The following OPRL1 variants were observed in gnomAD, a reference collection of about 807,000 sequenced individuals.
OPRL1 encodes nociceptin receptor.
In OPRL1, 5 loss-of-function variants were observed where a neutral mutation model predicts 15.5. The observed-to-expected ratio is 0.32, with a 90% CI of 0.17 to 0.68. The LOEUF is 0.68. OPRL1 is among the 30% of genes least tolerant of loss of function. The pLI, the probability that OPRL1 is intolerant of heterozygous loss-of-function variation, is 0.72. For missense variants in OPRL1, 406 were observed against 515.3 expected, an observed-to-expected ratio of 0.79 and a Z score of 2.05; for synonymous variants, 223 against 230.2, an observed-to-expected ratio of 0.97 and a Z score of 0.28.
rs1389674976 is a variant in OPRL1 at position 64,097,805 on chromosome 20, C to T, written c.237C>T (p.His79=). The T allele has an allele frequency of 6.2e-7, 1 of 1,611,142 alleles. No individual in the cohort carries two copies. The highest frequency in any genetic ancestry group is 8.5e-7 in the Non-Finnish European group (1 of 1,178,006). Reference sequence around the variant, plus strand: ...TTCTTCTCCCTCTACTCCGCAGGCACACCAAAATGAAGACAGCCACCAATA... The same window carrying T: ...TTCTTCTCCCTCTACTCCGCAGGCATACCAAAATGAAGACAGCCACCAATA... The part of the protein sequence containing the change: ...NCLVMYVILR[H]TKMKTATNIY... Residue 79 remains histidine, a synonymous_variant, in exon 4 of 5, where the codon CAC becomes CAT. Transcript: ENST00000336866. This position sits in a 1 kb window ranked among gnomAD's most constrained non-coding sequence, Gnocchi z 4.2.
Position 64,083,703 on chromosome 20 carries a change from G to T in OPRL1, c.-185+3351G>T. ...GCTGGATGAGCAGCGCGATCTCCTCGGCCTGCGGGGCCCGGGTAGCTGAGC... is the reference window on the plus strand; with the variant it reads ...GCTGGATGAGCAGCGCGATCTCCTCTGCCTGCGGGGCCCGGGTAGCTGAGC... On this transcript the variant is annotated intron_variant, in intron 1 of 4. Transcript: ENST00000336866. This position sits in a 1 kb window ranked among gnomAD's most constrained non-coding sequence, Gnocchi z 4.9. The T allele has an allele frequency of 1.4e-6, 2 of 1,385,530 alleles. No individual in the cohort carries two copies. Among genetic ancestry groups the T allele is most frequent in the Non-Finnish European group, 9.3e-7 (1 of 1,078,856 alleles). The allele number at this position is 1,385,530 out of a possible 1,614,324, so 85.8% of individuals were successfully genotyped here. A position where few individuals can be genotyped will look rare whatever the true frequency, so the allele number is the denominator to read the frequency against.
intron 1 of OPRL1, among the ~76,000 whole-genome samples, chr20:64,084,782 C>G (rs2145573968): frequency 6.6e-6 from 1 of 152,336 alleles, no homozygotes; most frequent in South Asian, 2.1e-4. Flanking sequence ...ACAGCTGCCA[C>G]CTTGTCCAGC....
chr20:64,082,398 C>T (rs1467457467), intron 1 of OPRL1, among the ~76,000 whole-genome samples: 6 of 152,146 alleles, frequency 3.9e-5, no homozygotes, highest in African/African-American at 1.2e-4. Flanking sequence ...GCTCGGTGCA[C>T]GGGGAGAAGG....
Position 64,083,787 on chromosome 20 carries a change from C to T in OPRL1, c.-185+3435C>T, listed in dbSNP as rs1357227052. ...GGCTCCGCTCAACGCTCCCGGTGCGCCCCCTCTGCCCTCCGACCCCCTCGC... is the reference window on the plus strand; with the variant it reads ...GGCTCCGCTCAACGCTCCCGGTGCGTCCCCTCTGCCCTCCGACCCCCTCGC... On this transcript the variant is annotated intron_variant, in intron 1 of 4. Transcript: ENST00000336866. This position sits in a 1 kb window ranked among gnomAD's most constrained non-coding sequence, Gnocchi z 4.9. The T allele has an allele frequency of 3.0e-6, 4 of 1,334,276 alleles. No homozygotes were observed. The highest frequency in any genetic ancestry group is 4.1e-5 in the Admixed American group (1 of 24,110). The allele number at this position is 1,334,276 out of a possible 1,614,324, so 82.7% of individuals were successfully genotyped here. A position where few individuals can be genotyped will look rare whatever the true frequency, so the allele number is the denominator to read the frequency against.
chr20:64,086,781 G>C (rs2060055674), intron 1 of OPRL1, among the ~76,000 whole-genome samples: 1 of 152,160 alleles, frequency 6.6e-6, no homozygotes, highest in South Asian at 2.1e-4. Context: ...GTGCGGCCTG[G>C]TGACTGGCTT....
chr20:64,098,872 G>A lies in OPRL1; in HGVS notation c.*73G>A, dbSNP rs1979527390. ...TACGCCCAACACAGAGCTCACACAG[G>A]TCACTGCTCTCTAGGCGGACACACC... On this transcript the variant is annotated 3_prime_UTR_variant, in exon 5 of 5. Transcript: ENST00000336866. The A allele has an allele frequency of 1.3e-6, 2 of 1,502,032 alleles. No individual in the cohort carries two copies. Among genetic ancestry groups the A allele is most frequent in the Non-Finnish European group, 1.8e-6 (2 of 1,129,404 alleles). 93.0% of individuals were successfully genotyped at this position (1,502,032 alleles called of 1,614,324 possible).
chr20:64,083,321 T>C lies in OPRL1; in HGVS notation c.-185+2969T>C. On this transcript the variant is annotated intron_variant, in intron 1 of 4. Coordinates refer to ENST00000336866, the MANE Select transcript of OPRL1 (RefSeq NM_182647.4). The surrounding 1 kb of genome is among the most constrained non-coding windows in gnomAD (Gnocchi z 4.9). The stretch of plus-strand genomic sequence containing the variant: ...AGGTGCATGGGAGAGGCAGCGTCCA[T>C]ACTCCCCGCTTCCCTCGGGGTCCTG... The C allele has an allele frequency of 6.8e-7, 1 of 1,478,724 alleles. No homozygotes were observed. Among genetic ancestry groups the C allele is most frequent in the Non-Finnish European group, 9.3e-7 (1 of 1,077,800 alleles). 91.6% of individuals were successfully genotyped at this position (1,478,724 alleles called of 1,614,324 possible). A position where few individuals can be genotyped will look rare whatever the true frequency, so the allele number is the denominator to read the frequency against.
rs767698847 is a variant in OPRL1, at chr20:64,097,930, C to T, written c.362C>T (p.Ala121Val). ...CTGGGCTTCTGGCCGTTTGGGAATG[C>T]GCTGTGCAAGACAGTCATTGCCATT... ...ILLGFWPFGN[A>V]LCKTVIAIDY... Residue 121 changes from alanine to valine, a missense_variant, in exon 4 of 5, where the codon GCG (alanine) becomes GTG (valine). Physicochemically the swap from Ala to Val is moderately conservative, Grantham distance 64 (BLOSUM62 0). Transcript: ENST00000336866. This position sits in a 1 kb window ranked among gnomAD's most constrained non-coding sequence, Gnocchi z 4.2. 2.0e-5 allele frequency: 32 copies of T among 1,613,606 alleles called. 2 individuals are homozygous for T. Among genetic ancestry groups the T allele is most frequent in the African/African-American group, 5.3e-5 (4 of 74,938 alleles).
rs1254988221 is a variant in OPRL1 at position 64,098,806 on chromosome 20, G to A, written c.*7G>A. Reference sequence around the variant, plus strand: ...GGTACCGCGGCCCGCATGACTAGGCGTGGACCTGCCCATGGTGCCTGTCAG... The same window carrying A: ...GGTACCGCGGCCCGCATGACTAGGCATGGACCTGCCCATGGTGCCTGTCAG... On this transcript the variant is annotated 3_prime_UTR_variant, in exon 5 of 5. Coordinates refer to ENST00000336866, the MANE Select transcript of OPRL1 (RefSeq NM_182647.4). 9.5e-6 allele frequency: 15 copies of A among 1,581,030 alleles called. No individual in the cohort carries two copies. The highest frequency in any genetic ancestry group is 8.0e-5 in the South Asian group (7 of 88,026).
rs1336649716 is a variant in OPRL1 at position 64,092,714 on chromosome 20, C to A, written c.-7C>A. ...TACCGTACAGAGTGGATTTGCAGGG[C>A]AGTGGCATGGAGCCCCTCTTCCCCG... is the stretch of plus-strand genomic sequence containing the variant. On this transcript the variant is annotated 5_prime_UTR_variant, in exon 3 of 5. Coordinates refer to ENST00000336866, the MANE Select transcript of OPRL1 (RefSeq NM_182647.4). 6.2e-6 allele frequency: 10 copies of A among 1,610,214 alleles called. No homozygotes were observed. The highest frequency in any genetic ancestry group is 8.5e-6 in the Non-Finnish European group (10 of 1,178,450).
intron 1 of OPRL1, among the ~76,000 whole-genome samples, chr20:64,087,702 G>A (rs1040166118): frequency 6.6e-6 from 1 of 151,874 alleles, no homozygotes; most frequent in Non-Finnish European, 1.5e-5. Flanking sequence ...ATATTGTTTC[G>A]CCTGCCCAGA....
At chr20:64,082,065 C>G (rs116532265) in intron 1 of OPRL1, among the ~76,000 whole-genome samples, 4 of 152,206 alleles carry the variant, frequency 2.6e-5, no homozygotes, top group African/African-American at 9.7e-5. Flanking sequence ...ATTCTAGGCA[C>G]TCAGTCAATC....
chr20:64,083,091 G>A lies in OPRL1; in HGVS notation c.-185+2739G>A, dbSNP rs1294982930. On this transcript the variant is annotated intron_variant, in intron 1 of 4. Transcript: ENST00000336866. This position sits in a 1 kb window ranked among gnomAD's most constrained non-coding sequence, Gnocchi z 4.9. ...AGCCTGAGGCTACCCTTACATCTGG[G>A]GGTGACTTCTGCTGAAACAGGCTCT... Among the ~76,000 whole-genome samples the A allele has an allele frequency of 6.6e-6, 1 of 152,176 alleles. No homozygotes were observed. The highest frequency in any genetic ancestry group is 1.5e-5 in the Non-Finnish European group (1 of 68,034).
chr20:64,080,901 T>G (rs568911391), intron 1 of OPRL1, among the ~76,000 whole-genome samples: 2 of 152,260 alleles, frequency 1.3e-5, no homozygotes, highest in African/African-American at 4.8e-5. Context: ...CACAGAACTC[T>G]GAGGGGTGCA....
intron 1 of OPRL1, among the ~76,000 whole-genome samples, chr20:64,081,304 A>G (rs2059964719): frequency 6.6e-6 from 1 of 152,340 alleles, no homozygotes; most frequent in Middle Eastern, 3.4e-3. Flanking sequence ...TTCAGCCCAC[A>G]TAACACTCCT....
rs1027618895 is a variant in OPRL1, at chr20:64,084,064, C to T, written c.-185+3712C>T. 13 of 1,498,680 alleles carry T rather than the reference C, an allele frequency of 8.7e-6. No individual in the cohort carries two copies. In the South Asian group the frequency reaches 1.5e-4, roughly 17 times the overall value. The allele number at this position is 1,498,680 out of a possible 1,614,324, so 92.8% of individuals were successfully genotyped here. ...GGTGGCGCTGCGCAGGGAGCATGGC[C>T]GCCAGTCCCTGCGGCGTCAGGGCCC... is the stretch of plus-strand genomic sequence containing the variant. On this transcript the variant is annotated intron_variant, in intron 1 of 4. Transcript: ENST00000336866.
At position 64,099,685 on chromosome 20, in the gene OPRL1, T is replaced by G. The variant is rs1259152825; in HGVS notation, c.*886T>G. The G allele has an allele frequency of 2.7e-5, 4 of 150,504 alleles. No homozygotes were observed. Among genetic ancestry groups the G allele is most frequent in the Non-Finnish European group, 5.9e-5 (4 of 68,128 alleles). The allele number at this position is 150,504 out of a possible 1,614,324, so 9.3% of individuals were successfully genotyped here. Reference sequence around the variant, plus strand: ...CCGTCAACCCAGCCCTGCTTCTCAGTGTGGGGCAGGTGTCTCAGGACGAAG... The same window carrying G: ...CCGTCAACCCAGCCCTGCTTCTCAGGGTGGGGCAGGTGTCTCAGGACGAAG... On this transcript the variant is annotated 3_prime_UTR_variant, in exon 5 of 5. Transcript: ENST00000336866.
intron 3 of OPRL1, among the ~76,000 whole-genome samples, chr20:64,096,851 C>CCATTACCATCAT (rs1462229988): frequency 3.5e-5 from 5 of 143,090 alleles, no homozygotes; most frequent in South Asian, 2.3e-4. Context: ...ACCATCACCA[C>CCATTACCATCAT]CATCACCACT....
At chr20:64,098,240 C>G in intron 4 of OPRL1, 36 bp from the exon 5 acceptor site, 1 of 1,604,278 alleles carries the variant, frequency 6.2e-7, no homozygotes, top group Non-Finnish European at 8.5e-7. Context: ...CTCCACGTCT[C>G]CTGGGCCCAC....
Sources: allele counts gnomAD v4.1 joint callset (sites outside exome capture counted in the v4.1 genomes callset), GRCh38; gene constraint gnomAD v4.1.1; non-coding constraint Gnocchi (gnomAD v3.1); transcripts MANE v1.5; gene names NCBI Gene and HGNC (gene_info 2026-07-23, HGNC 2026-07-21).